The following HSPG2 variants were observed in gnomAD, a reference collection of about 807,000 sequenced individuals.
HSPG2 encodes basement membrane-specific heparan sulfate proteoglycan core protein.
Under a neutral mutation model 526.6 loss-of-function variants are expected in HSPG2, and 278 were observed. The observed-to-expected ratio is 0.53, with a 90% CI of 0.48 to 0.58. The LOEUF is 0.58. Among genes scored for constraint, HSPG2 ranks in the 20% least tolerant of loss-of-function variants. The pLI, the probability that HSPG2 is intolerant of heterozygous loss-of-function variation, is 0.00. For missense variants in HSPG2, 5,354 were observed against 6,099.5 expected (o/e 0.88, Z 4.07); for synonymous variants, 2,465 against 2,555.4 (o/e 0.96, Z 1.07).
chr1:21,863,060 C>CAAAAAAAAAAAAAAAAAAAA (rs60890297), intron 37 of HSPG2, among the ~76,000 whole-genome samples: 4 of 31,234 alleles, frequency 1.3e-4, no homozygotes, highest in Non-Finnish European at 1.6e-4. Context: ...GACTCCATCT[C>CAAAAAAAAAAAAAAAAAAAA]AAAAAAAAAA....
Position 21,830,690 on chromosome 1 carries a change from CA to C in HSPG2, c.11671+291del, listed in dbSNP as rs145627267. 0.11 allele frequency: 12,178 copies of C among 108,966 alleles called. 19 individuals carry two copies. Among genetic ancestry groups the C allele is most frequent in the South Asian group, 0.16 (1,572 of 9,820 alleles). The allele number at this position is 108,966 out of a possible 1,614,324, so 6.7% of individuals were successfully genotyped here. A position where few individuals can be genotyped will look rare whatever the true frequency, so the allele number is the denominator to read the frequency against. On this transcript the variant is annotated intron_variant, in intron 85 of 96. Transcript: ENST00000374695. ...GGGCAACAAGAGCGAAACTTCGTCTCAAAAAAAAAAAAAAAAAAAAAAGATG... is the reference window on the plus strand; with the variant it reads ...GGGCAACAAGAGCGAAACTTCGTCTCAAAAAAAAAAAAAAAAAAAAAGATG...
Position 21,874,403 on chromosome 1 carries a change from C to A in HSPG2, c.3656+3G>T. The A allele has an allele frequency of 1.2e-6, 2 of 1,611,248 alleles. No individual in the cohort carries two copies. The highest frequency in any genetic ancestry group is 1.1e-5 in the South Asian group (1 of 90,898). ...GGCAGGTGCAGGCAGGGACTGGACG[C>A]ACTGGCCGGCAGCAGGGTCTCCGTA... On this transcript the variant is annotated splice_donor_region_variant and intron_variant, in intron 28 of 96. Coordinates refer to ENST00000374695, the MANE Select transcript of HSPG2 (RefSeq NM_005529.7).
At position 21,831,005 on chromosome 1, in the gene HSPG2, GA is replaced by G; in HGVS notation, c.11647del (p.Ser3883ArgfsTer18). ...AGFTGSRCEH[S>X]QALHCHPEAC... ...ACCTGGATGGCAGTGCAGGGCCTGC[GA>G]GTGCTCACAGCGGCTCCCGGTGAAG... is the stretch of plus-strand genomic sequence containing the variant. On this transcript the variant is annotated frameshift_variant, in exon 85 of 97. Transcript: ENST00000374695. LOFTEE classifies it high-confidence loss of function. The G allele has an allele frequency of 6.3e-7, 1 of 1,586,700 alleles. No homozygotes were observed. The highest frequency in any genetic ancestry group is 8.6e-7 in the Non-Finnish European group (1 of 1,166,400).
intron 37 of HSPG2, among the ~76,000 whole-genome samples, chr1:21,863,009 G>A (rs1325187856): frequency 3.5e-4 from 44 of 124,294 alleles, no homozygotes; most frequent in African/African-American, 1.3e-3. Flanking sequence ...GCAGTGAGCC[G>A]AGATTGTGCC....
chr1:21,835,908 C>G (rs1176709041), intron 75 of HSPG2, among the ~76,000 whole-genome samples: 1 of 143,042 alleles, frequency 7.0e-6, no homozygotes, highest in Non-Finnish European at 1.5e-5. Context: ...CGCTTGAACC[C>G]GGGAGGCGGA....
Position 21,878,470 on chromosome 1 carries a change from G to A in HSPG2, c.2580C>T (p.Gly860=), listed in dbSNP as rs1282444776. The A allele has an allele frequency of 2.5e-6, 4 of 1,611,280 alleles. No homozygotes were observed. The Admixed American group carries it at 5.0e-5, about 20-fold the overall frequency. Residue 860 remains glycine (G), a synonymous_variant, in exon 20 of 97, where the codon GGC becomes GGT. Transcript: ENST00000374695. ...ACTTCCCGCCGGGCTGGATGGGGTT[G>A]CCCTCGTATCCGGGGGCACAGCTAG... ...RCESCAPGYE[G]NPIQPGGKCR...
intron 6 of HSPG2, 120 bp downstream of exon 6, chr1:21,889,861 A>G (rs773077032): frequency 3.0e-6 from 3 of 986,876 alleles, no homozygotes; most frequent in Non-Finnish European, 4.9e-6. Flanking sequence ...CAGACTCAGG[A>G]GTAGTGAGCT....
intron 1 of HSPG2, among the ~76,000 whole-genome samples, chr1:21,912,590 G>A (rs1643734899): frequency 2.0e-5 from 3 of 152,162 alleles, no homozygotes; most frequent in African/African-American, 7.2e-5. Context: ...GACTTGGAGG[G>A]CCTGGGTTCA....
Position 21,864,837 on chromosome 1 carries a change from A to C in HSPG2, c.4626+6T>G. 6.2e-7 allele frequency: 1 copy of C among 1,606,258 alleles called. No homozygotes were observed. The highest frequency in any genetic ancestry group is 8.5e-7 in the Non-Finnish European group (1 of 1,176,756). On this transcript the variant is annotated splice_donor_region_variant and intron_variant, in intron 36 of 96. Coordinates refer to ENST00000374695, the MANE Select transcript of HSPG2 (RefSeq NM_005529.7). The surrounding 1 kb of genome is among the most constrained non-coding windows in gnomAD (Gnocchi z 4.8). ...GCAGAGGTGGTGGAGCTGGCCACAC[A>C]CTCACCTGGCAGGACAGACCGATGT...
At position 21,904,559 on chromosome 1, in the gene HSPG2, C is replaced by G. The variant is rs546974124; in HGVS notation, c.64-8249G>C. Among the ~76,000 whole-genome samples the G allele has an allele frequency of 6.6e-6, 1 of 152,324 alleles. No individual in the cohort carries two copies. The highest frequency in any genetic ancestry group is 6.5e-5 in the Admixed American group (1 of 15,310). ...AGTCCCTGCACTCTCCTCCGTCCCC[C>G]ACAGACACCCCAAGATTAGGTCTCC... On this transcript the variant is annotated intron_variant, in intron 1 of 96. Coordinates refer to ENST00000374695, the MANE Select transcript of HSPG2 (RefSeq NM_005529.7). This position sits in a 1 kb window ranked among gnomAD's most constrained non-coding sequence, Gnocchi z 4.4.
rs1639488285 is a variant in HSPG2, at chr1:21,858,113, G to T, written c.5294-728C>A. ...GCCTCCCTTCAGAGCCAAGACTCTTGCAGGAGTTGTCCACACTCGCTGCCT... is the reference window on the plus strand; with the variant it reads ...GCCTCCCTTCAGAGCCAAGACTCTTTCAGGAGTTGTCCACACTCGCTGCCT... On this transcript the variant is annotated intron_variant, in intron 42 of 96. Transcript: ENST00000374695. The surrounding 1 kb of genome is among the most constrained non-coding windows in gnomAD (Gnocchi z 4.2). Among the ~76,000 whole-genome samples the T allele has an allele frequency of 6.6e-6, 1 of 152,082 alleles. No homozygotes were observed. Among genetic ancestry groups the T allele is most frequent in the Non-Finnish European group, 1.5e-5 (1 of 68,030 alleles).
intron 74 of HSPG2, 57 bp downstream of exon 74, chr1:21,838,768 C>T: frequency 6.3e-7 from 1 of 1,585,748 alleles, no homozygotes; most frequent in Non-Finnish European, 8.6e-7. Flanking sequence ...CTAGCTGGGT[C>T]ATCAAAGGGC....
Position 21,854,659 on chromosome 1 carries a change from G to C in HSPG2, c.6240C>G (p.Ala2080=), listed in dbSNP as rs780374961. Residue 2080 remains alanine, a synonymous_variant, in exon 49 of 97, where the codon GCC becomes GCG. Transcript: ENST00000374695. Reference sequence around the variant, plus strand: ...CCCCTCGCCTGTACCAGGTGACCTGGGCATGGGCTGACCCTGCCACCACAC... The same window carrying C: ...CCCCTCGCCTGTACCAGGTGACCTGCGCATGGGCTGACCCTGCCACCACAC... ...LNCVVAGSAH[A]QVTWYRRGGS... 1.2e-6 allele frequency: 2 copies of C among 1,600,512 alleles called. No homozygotes were observed. The highest frequency in any genetic ancestry group is 1.7e-6 in the Non-Finnish European group (2 of 1,173,432).
intron 69 of HSPG2, 38 bp from the exon 70 acceptor site, chr1:21,841,711 C>T: frequency 6.2e-7 from 1 of 1,612,740 alleles, no homozygotes; most frequent in Non-Finnish European, 8.5e-7. Flanking sequence ...AGAGGATTGA[C>T]CTGGTCCTTC....
At chr1:21,929,199 G>A (rs746128844) in intron 1 of HSPG2, among the ~76,000 whole-genome samples, 5 of 152,148 alleles carry the variant, frequency 3.3e-5, no homozygotes, top group Admixed American at 6.6e-5. Flanking sequence ...CATGAGCTCC[G>A]GCTGTGGAGT....
Position 21,865,037 on chromosome 1 carries a change from G to A in HSPG2, c.4432C>T (p.Arg1478Cys), listed in dbSNP as rs1198712778. ...GCCAGTGCCATCAGGAGGTGCTCGCGTGTGGCCGGCTGCCCATCGGGCCGG... is the reference window on the plus strand; with the variant it reads ...GCCAGTGCCATCAGGAGGTGCTCGCATGTGGCCGGCTGCCCATCGGGCCGG... The part of the protein sequence containing the change: ...WRRPDGQPAT[R>C]EHLLMALADL... Residue 1478 changes from arginine to cysteine, a missense_variant, in exon 36 of 97, where the codon CGC (arginine) becomes TGC (cysteine). By Grantham distance (180) the Arg-to-Cys change is radical. Coordinates refer to ENST00000374695, the MANE Select transcript of HSPG2 (RefSeq NM_005529.7). The surrounding 1 kb of genome is among the most constrained non-coding windows in gnomAD (Gnocchi z 5.4). 2 of 1,571,500 alleles carry A rather than the reference G, an allele frequency of 1.3e-6. No homozygotes were observed. Among genetic ancestry groups the A allele is most frequent in the Non-Finnish European group, 1.7e-6 (2 of 1,161,382 alleles).
chr1:21,936,931 C>T (rs1387137741), intron 1 of HSPG2, among the ~76,000 whole-genome samples: 1 of 152,158 alleles, frequency 6.6e-6, no homozygotes, highest in Non-Finnish European at 1.5e-5. Flanking sequence ...GCCAGCCCCG[C>T]CCCCAGCCCC....
chr1:21,872,420 G>A lies in HSPG2; in HGVS notation c.4030-43C>T, dbSNP rs1454267994. 3 of 1,525,646 alleles carry A rather than the reference G, an allele frequency of 2.0e-6. No individual in the cohort carries two copies. Among genetic ancestry groups the A allele is most frequent in the Non-Finnish European group, 1.8e-6 (2 of 1,128,534 alleles). 94.5% of individuals were successfully genotyped at this position (1,525,646 alleles called of 1,614,324 possible). ...AGGGGGCGTCAGCCTGAGCACCGGGGTGCCTTGGTGGGGGATGGGGCACGG... is the reference window on the plus strand; with the variant it reads ...AGGGGGCGTCAGCCTGAGCACCGGGATGCCTTGGTGGGGGATGGGGCACGG... On this transcript the variant is annotated intron_variant, in intron 32 of 96. Coordinates refer to ENST00000374695, the MANE Select transcript of HSPG2 (RefSeq NM_005529.7). This position sits in a 1 kb window ranked among gnomAD's most constrained non-coding sequence, Gnocchi z 5.5.
intron 91 of HSPG2, among the ~76,000 whole-genome samples, chr1:21,826,029 C>T (rs1283090809): frequency 6.6e-6 from 1 of 152,056 alleles, no homozygotes; most frequent in Non-Finnish European, 1.5e-5. Flanking sequence ...GTGATCCACC[C>T]ACCTTGTCCT....
Sources: allele counts gnomAD v4.1 joint callset (sites outside exome capture counted in the v4.1 genomes callset), GRCh38; gene constraint gnomAD v4.1.1; non-coding constraint Gnocchi (gnomAD v3.1); transcripts MANE v1.5; gene names NCBI Gene and HGNC (gene_info 2026-07-23, HGNC 2026-07-21).